Variants in WIPF2 observed in about 807,000 individuals in gnomAD.
The protein encoded by WIPF2 is WAS/WASL interacting protein family member 2, also known as WAS/WASL-interacting protein family member 2.
A neutral mutation model predicts 38.8 loss-of-function variants in WIPF2; 23 were observed. The ratio of observed to expected loss-of-function variants is 0.59; its 90% CI spans 0.43 to 0.84. The LOEUF is 0.84. Among genes scored for constraint, WIPF2 ranks in the 40% least tolerant of loss-of-function variants. The pLI, the probability that WIPF2 is intolerant of heterozygous loss-of-function variation, is 0.00. For missense variants in WIPF2, 574 were observed against 580.5 expected (o/e 0.99, Z 0.11); for synonymous variants, 210 against 223.2 (o/e 0.94, Z 0.53).
intron 7 of WIPF2, among the ~76,000 whole-genome samples, chr17:40,277,497 C>T (rs7213066): frequency 0.092 from 13,914 of 151,876 alleles, 2,162 homozygotes; most frequent in African/African-American, 0.32. Context: ...CTAGCTAACA[C>T]GGTGAAACCC....
At chr17:40,219,869 G>C (rs1328536957) in intron 1 of WIPF2, 1 of 152,702 alleles carries the variant, frequency 6.5e-6, no homozygotes, top group Non-Finnish European at 1.5e-5. Context: ...CGCAAAAAGG[G>C]AGACGGGAAC....
chr17:40,279,254 C>G lies in WIPF2; in HGVS notation c.*1029C>G, dbSNP rs191762191. ...GGTGCTCCAGGATAACAAAGAAGGG[C>G]AGGTTGAAGCCCCTCATGGAAGGAG... On this transcript the variant is annotated 3_prime_UTR_variant, in exon 8 of 8. Coordinates refer to ENST00000323571, the MANE Select transcript of WIPF2 (RefSeq NM_133264.5). 6.6e-6 allele frequency: 1 copy of G among 152,338 alleles called. No individual in the cohort carries two copies. Among genetic ancestry groups the G allele is most frequent in the Non-Finnish European group, 1.5e-5 (1 of 68,076 alleles). 9.4% of individuals were successfully genotyped at this position (152,338 alleles called of 1,614,324 possible). A position where few individuals can be genotyped will look rare whatever the true frequency, so the allele number is the denominator to read the frequency against.
chr17:40,278,422 T>A lies in WIPF2; in HGVS notation c.*197T>A. The A allele has an allele frequency of 1.6e-6, 1 of 617,058 alleles. No individual in the cohort carries two copies. 38.2% of individuals were successfully genotyped at this position (617,058 alleles called of 1,614,324 possible). ...CTGGATTTGGTGATCAGACTCTATATTGACAGTAGGATCTCAAACCCTGCA... is the reference window on the plus strand; with the variant it reads ...CTGGATTTGGTGATCAGACTCTATAATGACAGTAGGATCTCAAACCCTGCA... On this transcript the variant is annotated 3_prime_UTR_variant, in exon 8 of 8. Transcript: ENST00000323571.
chr17:40,268,946 AG>A (rs1426198767), intron 5 of WIPF2, among the ~76,000 whole-genome samples: 1 of 152,066 alleles, frequency 6.6e-6, no homozygotes, highest in African/African-American at 2.4e-5. Flanking sequence ...GTGCTTTGGG[AG>A]GCTGAGGCAG....
At chr17:40,243,797 AG>A (rs2031271930) in intron 1 of WIPF2, among the ~76,000 whole-genome samples, 1 of 152,074 alleles carries the variant, frequency 6.6e-6, no homozygotes, top group Non-Finnish European at 1.5e-5. Context: ...CTGGGATTAC[AG>A]GAGTGAGCCA....
chr17:40,224,789 T>C (rs1488749674), intron 1 of WIPF2, among the ~76,000 whole-genome samples: 1 of 152,048 alleles, frequency 6.6e-6, no homozygotes, highest in African/African-American at 2.4e-5. Flanking sequence ...TAATGGCCTC[T>C]GTCAAAGCAA....
At position 40,236,432 on chromosome 17, in the gene WIPF2, G is replaced by A. The variant is rs992683654; in HGVS notation, c.-70+16940G>A. On this transcript the variant is annotated intron_variant, in intron 1 of 7. Transcript: ENST00000323571. ...TGGCTCACTGCAACCTCCACCTCCC[G>A]GTTCGAGCGATTCTTTTGCCTCAGC... Among the ~76,000 whole-genome samples, 4 of 144,324 alleles carry A rather than the reference G, an allele frequency of 2.8e-5. No homozygotes were observed. In the South Asian group the frequency reaches 6.6e-4, roughly 24 times the overall value. The allele number at this position is 144,324 out of a possible 152,430, so 94.7% of individuals were successfully genotyped here. A position where few individuals can be genotyped will look rare whatever the true frequency, so the allele number is the denominator to read the frequency against.
Position 40,264,680 on chromosome 17 carries a change from G to C in WIPF2, c.504G>C (p.Thr168=). 6.2e-7 allele frequency: 1 copy of C among 1,613,390 alleles called. No homozygotes were observed. The highest frequency in any genetic ancestry group is 8.5e-7 in the Non-Finnish European group (1 of 1,179,690). ...DLSRPNTTSS[T]GMKHSSSAPP... is the part of the protein sequence containing the mutation. ...CTCGGCCTAATACCACCAGCAGTAC[G>C]GGCATGAAGCACAGCTCCTCTGCCC... is the stretch of plus-strand genomic sequence containing the variant. Residue 168 remains threonine, a synonymous_variant, in exon 5 of 8, where the codon ACG becomes ACC. Transcript: ENST00000323571.
chr17:40,256,886 G>A (rs1598486906), intron 2 of WIPF2, among the ~76,000 whole-genome samples: 2 of 152,266 alleles, frequency 1.3e-5, no homozygotes, highest in African/African-American at 2.4e-5. Flanking sequence ...TGGACAGGTG[G>A]CGTTGGAGTT....
At chr17:40,268,817 T>C (rs912645643) in intron 5 of WIPF2, among the ~76,000 whole-genome samples, 2 of 152,210 alleles carry the variant, frequency 1.3e-5, no homozygotes, top group African/African-American at 4.8e-5. Flanking sequence ...CGATTTGTTG[T>C]GTGACATTGG....
At chr17:40,277,335 T>C in intron 7 of WIPF2, 151 bp downstream of exon 7, 1 of 599,268 alleles carries the variant, frequency 1.7e-6, no homozygotes, top group Non-Finnish European at 2.8e-6. Context: ...GATCACGAGG[T>C]CAGGAATTCG....
At chr17:40,244,497 G>A (rs1347095474) in intron 1 of WIPF2, among the ~76,000 whole-genome samples, 3 of 152,132 alleles carry the variant, frequency 2.0e-5, no homozygotes, top group East Asian at 3.8e-4. Flanking sequence ...ACCCTGGAAG[G>A]CCTTCAGTTA....
At chr17:40,263,556 C>T (rs1042869211) in intron 4 of WIPF2, among the ~76,000 whole-genome samples, 16 of 143,512 alleles carry the variant, frequency 1.1e-4, no homozygotes, top group Admixed American at 1.0e-3. Context: ...TCCCCCCCCC[C>T]CCCGCAAATG....
intron 6 of WIPF2, among the ~76,000 whole-genome samples, chr17:40,275,509 G>A (rs748706656): frequency 1.3e-5 from 2 of 152,028 alleles, no homozygotes; most frequent in Admixed American, 6.6e-5. Flanking sequence ...TGTTAGACCC[G>A]TCTGTTGAGG....
intron 6 of WIPF2, among the ~76,000 whole-genome samples, 195 bp downstream of exon 6, chr17:40,274,194 A>G (rs1346609841): frequency 1.3e-5 from 2 of 152,168 alleles, no homozygotes; most frequent in Non-Finnish European, 2.9e-5. Context: ...ATGAATTCTA[A>G]GCATGGATGC....
chr17:40,232,251 G>A lies in WIPF2; in HGVS notation c.-70+12759G>A, dbSNP rs867093717. 5.6e-5 allele frequency among the ~76,000 whole-genome samples: 8 copies of A among 141,736 alleles called. No homozygotes were observed. In the South Asian group the frequency reaches 6.6e-4, roughly 12 times the overall value. The allele number at this position is 141,736 out of a possible 152,430, so 93.0% of individuals were successfully genotyped here. A position where few individuals can be genotyped will look rare whatever the true frequency, so the allele number is the denominator to read the frequency against. On this transcript the variant is annotated intron_variant, in intron 1 of 7. Transcript: ENST00000323571. The stretch of plus-strand genomic sequence containing the variant: ...GTTGCCCAGACCAGAGTACAGTGGC[G>A]TGATCTCAGCTCACTGCAGTCTGTG...
Position 40,264,471 on chromosome 17 carries a change from G to C in WIPF2, c.314-19G>C. ...ATCTGTCCAGCTCTGTTGACCCTGT[G>C]TTGTCTATGTATTTGTAGAGAACCT... On this transcript the variant is annotated intron_variant, in intron 4 of 7. Coordinates refer to ENST00000323571, the MANE Select transcript of WIPF2 (RefSeq NM_133264.5). 1.2e-6 allele frequency: 2 copies of C among 1,613,498 alleles called. No homozygotes were observed. Among genetic ancestry groups the C allele is most frequent in the South Asian group, 2.2e-5 (2 of 91,070 alleles).
rs542112050 is a variant in WIPF2 at position 40,246,878 on chromosome 17, G to A, written c.-69-9513G>A. ...CTGTAATCCCAGACTTTGGGAGGCCGAGGTGGGCGGATCACGACATCAGTA... is the reference window on the plus strand; with the variant it reads ...CTGTAATCCCAGACTTTGGGAGGCCAAGGTGGGCGGATCACGACATCAGTA... On this transcript the variant is annotated intron_variant, in intron 1 of 7. Transcript: ENST00000323571. 3.3e-5 allele frequency among the ~76,000 whole-genome samples: 5 copies of A among 152,130 alleles called. No homozygotes were observed. In the East Asian group the frequency reaches 5.8e-4, roughly 18 times the overall value.
In WIPF2 at chr17:40,273,836, T is replaced by TCCCCCCCCCC; in HGVS notation, c.1022_1023insCCCCCCCCCC (p.Pro345SerfsTer54). The TCCCCCCCCCC allele has an allele frequency of 6.3e-7, 1 of 1,585,676 alleles. No homozygotes were observed. On this transcript the variant is annotated frameshift_variant, in exon 6 of 8. Coordinates refer to ENST00000323571, the MANE Select transcript of WIPF2 (RefSeq NM_133264.5). LOFTEE classifies it high-confidence loss of function. The stretch of plus-strand genomic sequence containing the variant: ...TGATCCGAAATGGTGCCAGGGATGC[T>TCCCCCCCCCC]CCCCCTCCCCCACCACCATACCGAA...
Sources: gnomAD v4.1 joint callset for allele counts (sites outside exome capture counted in the v4.1 genomes callset) on GRCh38, gnomAD v4.1.1 for gene constraint, MANE v1.5 for transcripts, NCBI Gene and HGNC (gene_info 2026-07-23, HGNC 2026-07-21) for gene names.